The following DCC variants were observed in gnomAD, a reference collection of about 807,000 sequenced individuals.
DCC encodes DCC netrin 1 receptor.
DCC carries 58 observed loss-of-function variants against 172.5 expected under a neutral mutation model. The observed-to-expected ratio is 0.34, with a 90% confidence interval of 0.27 to 0.42. The LOEUF (loss-of-function observed/expected upper bound fraction) is 0.42, where lower values mean the gene tolerates loss of function less well. DCC is among the 10% of genes least tolerant of loss of function. The pLI, the probability that DCC is intolerant of heterozygous loss-of-function variation, is 1.00. For missense variants in DCC, 1,740 were observed against 1,791.0 expected (o/e 0.97, Z 0.51); for synonymous variants, 709 against 644.5 (o/e 1.10, Z -1.52).
At chr18:53,282,793 T>G (rs2056888784) in intron 12 of DCC, among the ~76,000 whole-genome samples, 1 of 152,190 alleles carries the variant, frequency 6.6e-6, no homozygotes, top group African/African-American at 2.4e-5. Flanking sequence ...CAGCCTCATG[T>G]TATTGAATAT....
intron 9 of DCC, among the ~76,000 whole-genome samples, chr18:53,191,188 C>T (rs138448809): frequency 2.2e-4 from 34 of 152,238 alleles, no homozygotes; most frequent in African/African-American, 7.2e-4. Context: ...GGTTAATTGG[C>T]TTGTAGTTCA....
intron 11 of DCC, among the ~76,000 whole-genome samples, chr18:53,211,929 C>A (rs938285024): frequency 6.7e-6 from 1 of 150,060 alleles, no homozygotes; most frequent in Non-Finnish European, 1.5e-5. Context: ...ACACCTGTTA[C>A]CCCAGCTACT....
chr18:52,882,537 C>T (rs1334048587), intron 2 of DCC, among the ~76,000 whole-genome samples: 3 of 151,972 alleles, frequency 2.0e-5, no homozygotes, highest in Admixed American at 1.3e-4. Flanking sequence ...GATTCAGGAG[C>T]ATACTGTTTA....
In DCC at chr18:53,533,595, A is replaced by G. The variant is rs1424704551; in HGVS notation, c.*2942A>G. 1 of 152,220 alleles carries G rather than the reference A, an allele frequency of 6.6e-6. No individual in the cohort carries two copies. The highest frequency in any genetic ancestry group is 2.4e-5 in the African/African-American group (1 of 41,456). The allele number at this position is 152,220 out of a possible 1,614,324, so 9.4% of individuals were successfully genotyped here. On this transcript the variant is annotated 3_prime_UTR_variant, in exon 29 of 29. Coordinates refer to ENST00000442544, the MANE Select transcript of DCC (RefSeq NM_005215.4). ...AAAAATTTAGATAGTTCAAATGTAT[A>G]AAGAATATTTGGATGATGCTCTAGC...
At chr18:53,272,581 T>C (rs548675418) in intron 12 of DCC, among the ~76,000 whole-genome samples, 1 of 152,292 alleles carries the variant, frequency 6.6e-6, no homozygotes, top group East Asian at 1.9e-4. Context: ...CATCTCAGAT[T>C]GTTTTTATCT....
intron 2 of DCC, among the ~76,000 whole-genome samples, chr18:52,762,245 G>A (rs2037172911): frequency 6.6e-6 from 1 of 151,994 alleles, no homozygotes; most frequent in Admixed American, 6.6e-5. Context: ...GGCTGAGATG[G>A]CAGGATTGCT....
intron 13 of DCC, among the ~76,000 whole-genome samples, chr18:53,315,044 G>A (rs12957530): frequency 0.11 from 16,136 of 152,030 alleles, 938 homozygotes; most frequent in Middle Eastern, 0.19. Flanking sequence ...TACACATGCC[G>A]TGGTGGTTTG....
intron 7 of DCC, among the ~76,000 whole-genome samples, chr18:53,153,643 T>C (rs1001155596): frequency 2.0e-5 from 3 of 152,244 alleles, no homozygotes; most frequent in Non-Finnish European, 4.4e-5. Flanking sequence ...AAAAACATGC[T>C]TTTTAATATT....
intron 3 of DCC, among the ~76,000 whole-genome samples, chr18:52,920,489 A>G (rs2040106748): frequency 6.6e-6 from 1 of 152,064 alleles, no homozygotes; most frequent in African/African-American, 2.4e-5. Flanking sequence ...AACATCTATT[A>G]TATACCATTA....
chr18:52,350,514 C>A (rs546472267), intron 1 of DCC, among the ~76,000 whole-genome samples: 2 of 150,792 alleles, frequency 1.3e-5, no homozygotes. Flanking sequence ...CATCATACAC[C>A]GGGGCCTACT....
At chr18:52,583,229 G>C (rs1388168533) in intron 1 of DCC, among the ~76,000 whole-genome samples, 1 of 152,132 alleles carries the variant, frequency 6.6e-6, no homozygotes, top group Non-Finnish European at 1.5e-5. Flanking sequence ...CGTAAGATAG[G>C]TACTCTGTAA....
intron 12 of DCC, among the ~76,000 whole-genome samples, chr18:53,220,850 T>C (rs1041111552): frequency 2.6e-5 from 4 of 152,052 alleles, no homozygotes; most frequent in Non-Finnish European, 5.9e-5. Context: ...GGGCCTATGA[T>C]TGAAAGTTTT....
At chr18:52,825,422 T>A (rs1392249655) in intron 2 of DCC, among the ~76,000 whole-genome samples, 5 of 152,226 alleles carry the variant, frequency 3.3e-5, no homozygotes, top group Non-Finnish European at 7.3e-5. Flanking sequence ...AAATTTCTAT[T>A]TTATATAAAC....
Position 52,944,243 on chromosome 18 carries a change from G to A in DCC, c.985+18873G>A, listed in dbSNP as rs530575253. Among the ~76,000 whole-genome samples the A allele has an allele frequency of 7.0e-4, 106 of 152,300 alleles. 1 individual carries two copies. The highest frequency in any genetic ancestry group is 1.2e-3 in the East Asian group (6 of 5,176). On this transcript the variant is annotated intron_variant, in intron 5 of 28. Transcript: ENST00000442544. ...AAAATCCATGTTTGCCTATTACGATGAGAACAATATTTTGGCAATCTGAGA... is the reference window on the plus strand; with the variant it reads ...AAAATCCATGTTTGCCTATTACGATAAGAACAATATTTTGGCAATCTGAGA...
chr18:53,362,607 T>G (rs1402387944), intron 15 of DCC, among the ~76,000 whole-genome samples: 1 of 152,208 alleles, frequency 6.6e-6, no homozygotes, highest in Non-Finnish European at 1.5e-5. Context: ...AGCAAGTATC[T>G]TGTACCTTCA....
intron 13 of DCC, among the ~76,000 whole-genome samples, chr18:53,308,963 T>C (rs973385586): frequency 1.3e-5 from 2 of 152,154 alleles, no homozygotes; most frequent in Non-Finnish European, 2.9e-5. Flanking sequence ...CTTCCTTGGC[T>C]TGTAGATGCA....
At chr18:52,845,920 TTC>T (rs141782433) in intron 2 of DCC, among the ~76,000 whole-genome samples, 14,116 of 152,188 alleles carry the variant, frequency 0.093, 721 homozygotes, top group South Asian at 0.2. Context: ...AGTTTGTTGT[TTC>T]TGATTGATTA....
chr18:53,110,445 C>T (rs2043313525), intron 7 of DCC, among the ~76,000 whole-genome samples: 1 of 151,514 alleles, frequency 6.6e-6, no homozygotes, highest in African/African-American at 2.4e-5. Flanking sequence ...CAAACCCAAC[C>T]AAGAAAACAA....
chr18:52,670,125 A>G (rs1255061851), intron 1 of DCC, among the ~76,000 whole-genome samples: 1 of 152,238 alleles, frequency 6.6e-6, no homozygotes, highest in Non-Finnish European at 1.5e-5. Context: ...GACCAAGATG[A>G]CGCAACCTCT....
Sources: allele counts gnomAD v4.1 joint callset (sites outside exome capture counted in the v4.1 genomes callset), GRCh38; gene constraint gnomAD v4.1.1; transcripts MANE v1.5; gene names NCBI Gene and HGNC (gene_info 2026-07-23, HGNC 2026-07-21).